The following PDE4D variants were observed in gnomAD, a reference collection of about 807,000 sequenced individuals.
PDE4D encodes 3',5'-cyclic-AMP phosphodiesterase 4D.
Under a neutral mutation model 87.4 loss-of-function variants are expected in PDE4D, and 24 were observed. The observed-to-expected ratio is 0.27, with a 90% confidence interval of 0.20 to 0.39. The LOEUF (loss-of-function observed/expected upper bound fraction) is 0.39. Ranked by LOEUF, PDE4D falls within the 10% of genes least tolerant of loss-of-function variation. PDE4D has a pLI of 1.00. For synonymous variants in PDE4D, 384 were observed against 383.2 expected, an observed-to-expected ratio of 1.00 and a Z score of -0.02; for missense variants, 714 against 1,041.0, an observed-to-expected ratio of 0.69 and a Z score of 4.32.
chr5:59,391,035 T>C (rs1788134866), intron 1 of PDE4D, among the ~76,000 whole-genome samples: 1 of 152,192 alleles, frequency 6.6e-6, no homozygotes. Flanking sequence ...CCCTAAATGT[T>C]GTACTAAATC....
chr5:59,723,810 G>T (rs1329933500), intron 1 of PDE4D, among the ~76,000 whole-genome samples: 2 of 152,134 alleles, frequency 1.3e-5, no homozygotes, highest in Admixed American at 6.6e-5. Flanking sequence ...GTTTGAAAAA[G>T]TGCTTTCAGC....
chr5:59,281,766 G>A (rs767885522), intron 1 of PDE4D, among the ~76,000 whole-genome samples: 11 of 152,076 alleles, frequency 7.2e-5, no homozygotes, highest in South Asian at 4.1e-4. Context: ...CTTTCTGTCC[G>A]TATGAATTTG....
intron 1 of PDE4D, among the ~76,000 whole-genome samples, chr5:59,817,742 A>ACCCCCCCCC (rs567130519): frequency 8.2e-6 from 1 of 122,240 alleles, no homozygotes; most frequent in Non-Finnish European, 1.8e-5. Flanking sequence ...ACACACCCAC[A>ACCCCCCCCC]CCCCCCCCCA....
At position 59,819,145 on chromosome 5, in the gene PDE4D, G is replaced by A. The variant is rs143841446; in HGVS notation, c.455+74023C>T. ...AAATGAGTAAATAATATTGAAAAAT[G>A]TTTTCATCCAGGCTATGCTTTTATG... On this transcript the variant is annotated intron_variant, in intron 1 of 14. Transcript: ENST00000340635. 6.4e-3 allele frequency among the ~76,000 whole-genome samples: 975 copies of A among 152,264 alleles called. 8 individuals carry two copies. Among genetic ancestry groups the A allele is most frequent in the African/African-American group, 0.023 (936 of 41,560 alleles).
chr5:59,448,191 A>G (rs201189713), intron 1 of PDE4D, among the ~76,000 whole-genome samples: 35 of 152,194 alleles, frequency 2.3e-4, no homozygotes, highest in Non-Finnish European at 4.7e-4. Flanking sequence ...ATAAAATGGT[A>G]CCTTCTCTAA....
At chr5:60,483,206 A>C (rs1297389960) in intron 1 of PDE4D, among the ~76,000 whole-genome samples, 1 of 152,166 alleles carries the variant, frequency 6.6e-6, no homozygotes, top group African/African-American at 2.4e-5. Flanking sequence ...TTGCCTGCCC[A>C]GGCTGGAATG....
intron 3 of PDE4D, among the ~76,000 whole-genome samples, chr5:59,964,801 C>A (rs1027159265): frequency 3.9e-5 from 6 of 152,072 alleles, no homozygotes; most frequent in African/African-American, 1.4e-4. Flanking sequence ...TTTGATTTAA[C>A]CCCATTCTTA....
intron 2 of PDE4D, among the ~76,000 whole-genome samples, chr5:59,996,310 T>G (rs1763522666): frequency 6.6e-6 from 1 of 152,182 alleles, no homozygotes; most frequent in South Asian, 2.1e-4. Context: ...AATGCCACAT[T>G]CCTTTTTTTT....
At chr5:59,862,804 A>T (rs548282072) in intron 1 of PDE4D, among the ~76,000 whole-genome samples, 2 of 152,336 alleles carry the variant, frequency 1.3e-5, no homozygotes, top group South Asian at 2.1e-4. Context: ...AAGAAGCTCA[A>T]TTGGGTAATG....
intron 5 of PDE4D, among the ~76,000 whole-genome samples, chr5:59,086,604 C>T (rs537150101): frequency 2.6e-5 from 4 of 152,282 alleles, no homozygotes; most frequent in African/African-American, 9.6e-5. Context: ...GCTTACATTG[C>T]TCTTCCACAT....
intron 1 of PDE4D, among the ~76,000 whole-genome samples, chr5:59,491,565 G>A (rs1309378635): frequency 6.6e-6 from 1 of 152,128 alleles, no homozygotes; most frequent in African/African-American, 2.4e-5. Context: ...TAGTCTCATT[G>A]TGAATAGTAA....
chr5:59,013,809 TCCTGA>T (rs1753371087), intron 6 of PDE4D, among the ~76,000 whole-genome samples: 1 of 151,510 alleles, frequency 6.6e-6, no homozygotes, highest in Non-Finnish European at 1.5e-5. Flanking sequence ...GCCAGCATCA[TCCTGA>T]TACCAATGCC....
chr5:59,032,364 G>C (rs765252241), intron 6 of PDE4D, among the ~76,000 whole-genome samples: 1 of 152,114 alleles, frequency 6.6e-6, no homozygotes, highest in African/African-American at 2.4e-5. Context: ...GGAGGATCAC[G>C]AGGTCAAGAG....
chr5:59,594,236 T>C (rs772205822), intron 1 of PDE4D, among the ~76,000 whole-genome samples: 3 of 151,770 alleles, frequency 2.0e-5, no homozygotes, highest in Non-Finnish European at 1.5e-5. Context: ...TATGGAATGA[T>C]AGAAAGCTTC....
chr5:59,864,535 C>T (rs1196589110), intron 1 of PDE4D, among the ~76,000 whole-genome samples: 2 of 152,158 alleles, frequency 1.3e-5, no homozygotes, highest in Non-Finnish European at 2.9e-5. Flanking sequence ...TCAATGTTGG[C>T]TAATAATTAA....
chr5:59,336,506 T>G (rs894521563), intron 1 of PDE4D, among the ~76,000 whole-genome samples: 1 of 152,242 alleles, frequency 6.6e-6, no homozygotes, highest in Non-Finnish European at 1.5e-5. Flanking sequence ...GTGTAATTAA[T>G]AAAAGTTTAG....
intron 1 of PDE4D, among the ~76,000 whole-genome samples, chr5:60,421,270 A>C (rs745765241): frequency 4.0e-4 from 61 of 152,136 alleles, no homozygotes; most frequent in Non-Finnish European, 7.4e-4. Context: ...TAACTGGGAG[A>C]CACCTCCCAG....
chr5:59,329,318 T>C (rs1776287535), intron 1 of PDE4D, among the ~76,000 whole-genome samples: 3 of 152,170 alleles, frequency 2.0e-5, no homozygotes, highest in Admixed American at 6.6e-5. Flanking sequence ...CAGATGGGAA[T>C]TCCCTGCAAA....
intron 2 of PDE4D, among the ~76,000 whole-genome samples, chr5:60,125,486 C>T (rs1453518831): frequency 6.6e-6 from 1 of 152,032 alleles, no homozygotes; most frequent in Non-Finnish European, 1.5e-5. Flanking sequence ...TCTCAGATCC[C>T]CTTTATTGGG....
Sources: gnomAD v4.1 joint callset for allele counts (sites outside exome capture counted in the v4.1 genomes callset) on GRCh38, gnomAD v4.1.1 for gene constraint, MANE v1.5 for transcripts, NCBI Gene and HGNC (gene_info 2026-07-23, HGNC 2026-07-21) for gene names.